The following HEPH variants were observed in gnomAD, a reference collection of about 807,000 sequenced individuals.
HEPH encodes the protein hephaestin.
HEPH carries 69 observed loss-of-function variants against 80.8 expected under a neutral mutation model. The observed-to-expected ratio is 0.85, with a 90% CI of 0.70 to 1.04. HEPH has a LOEUF of 1.04. HEPH is among the 50% of genes least tolerant of loss of function. The pLI is 0.00. For missense variants in HEPH, 1,115 were observed against 891.3 expected, an observed-to-expected ratio of 1.25 and a Z score of -3.20; for synonymous variants, 431 against 322.8, an observed-to-expected ratio of 1.34 and a Z score of -3.60.
At chrX:66,239,450 T>C (rs925705677) in intron 15 of HEPH, among the ~76,000 whole-genome samples, 7 of 112,393 alleles carry the variant, frequency 6.2e-5, no homozygotes, top group Non-Finnish European at 1.1e-4. Context: ...CCTGGCTGTG[T>C]CTGGTCAGCC....
At chrX:66,190,076 T>A (rs891625435) in intron 6 of HEPH, 138 bp downstream of exon 6, 1 of 631,004 alleles carries the variant, frequency 1.6e-6, no homozygotes, top group Admixed American at 4.8e-5. Flanking sequence ...CACACTAGAT[T>A]AGAAGTCAGG....
chrX:66,225,510 C>T (rs1156410324), intron 15 of HEPH, among the ~76,000 whole-genome samples: 6 of 112,714 alleles, frequency 5.3e-5, no homozygotes, highest in African/African-American at 1.9e-4. Context: ...TACAGGCACA[C>T]CATGGGTGAT....
intron 12 of HEPH, among the ~76,000 whole-genome samples, chrX:66,201,082 G>T (rs1317700694): frequency 9.0e-6 from 1 of 111,019 alleles, no homozygotes; most frequent in Non-Finnish European, 1.9e-5. Flanking sequence ...TATAGGTACA[G>T]TACTTTTATT....
chrX:66,261,429 G>T (rs1282213483), intron 19 of HEPH, among the ~76,000 whole-genome samples: 1 of 111,244 alleles, frequency 9.0e-6, no homozygotes, highest in Admixed American at 9.6e-5. Context: ...TAATTAAAGG[G>T]TCAAATGTCT....
intron 15 of HEPH, among the ~76,000 whole-genome samples, chrX:66,220,468 T>C (rs2089597370): frequency 9.0e-6 from 1 of 111,193 alleles, no homozygotes; most frequent in South Asian, 3.9e-4. Flanking sequence ...CTTTAAGGGG[T>C]TACACTGACC....
chrX:66,256,078 C>T (rs1419637605), intron 16 of HEPH, 27 bp from the exon 17 acceptor site: 2 of 1,135,769 alleles, frequency 1.8e-6, no homozygotes, highest in South Asian at 1.9e-5. Context: ...ATCTCTTTCT[C>T]TCTCTCCCAC....
chrX:66,236,754 A>G (rs1469568824), intron 15 of HEPH, among the ~76,000 whole-genome samples: 2 of 110,547 alleles, frequency 1.8e-5, no homozygotes, highest in Non-Finnish European at 3.8e-5. Flanking sequence ...CTCTTTTTTT[A>G]TGGAGGATGT....
chrX:66,264,185 C>T (rs2148248603), intron 20 of HEPH, among the ~76,000 whole-genome samples: 1 of 108,087 alleles, frequency 9.3e-6, no homozygotes, highest in African/African-American at 3.4e-5. Context: ...CCTAAAATCC[C>T]AGACTTTACC....
intron 15 of HEPH, among the ~76,000 whole-genome samples, chrX:66,224,915 C>G (rs1187090568): frequency 9.1e-6 from 1 of 109,437 alleles, no homozygotes; most frequent in Non-Finnish European, 1.9e-5. Flanking sequence ...CTCTTTCTCT[C>G]TCTCTGCCTC....
At chrX:66,173,378 C>G (rs1048036685) in intron 3 of HEPH, among the ~76,000 whole-genome samples, 3 of 111,945 alleles carry the variant, frequency 2.7e-5, no homozygotes, top group Non-Finnish European at 5.6e-5. Context: ...AGCTTTCCAC[C>G]CATTGTTAAT....
At chrX:66,253,840 A>T (rs1005686126) in intron 15 of HEPH, among the ~76,000 whole-genome samples, 1 of 111,847 alleles carries the variant, frequency 8.9e-6, no homozygotes, top group African/African-American at 3.2e-5. Context: ...CAGTCACAAA[A>T]TAAAATGTAT....
At chrX:66,221,957 C>T (rs191466844) in intron 15 of HEPH, among the ~76,000 whole-genome samples, 1 of 112,195 alleles carries the variant, frequency 8.9e-6, no homozygotes, top group East Asian at 2.8e-4. Flanking sequence ...CTTATTTTTC[C>T]TCCCTATGGT....
intron 4 of HEPH, among the ~76,000 whole-genome samples, chrX:66,178,743 C>A (rs2086942716): frequency 1.8e-5 from 2 of 112,100 alleles, no homozygotes; most frequent in Non-Finnish European, 3.8e-5. Context: ...TAAATGTCTT[C>A]TTTTGAGAAG....
chrX:66,201,981 T>C (rs1342825977), intron 12 of HEPH, among the ~76,000 whole-genome samples: 2 of 112,291 alleles, frequency 1.8e-5, no homozygotes, highest in African/African-American at 6.5e-5. Flanking sequence ...GTTTATAAAC[T>C]AGTAGAAGGG....
intron 15 of HEPH, among the ~76,000 whole-genome samples, chrX:66,243,301 A>C (rs189496827): frequency 1.2e-4 from 14 of 112,374 alleles, no homozygotes; most frequent in African/African-American, 4.5e-4. Flanking sequence ...ACGTGTACTC[A>C]AAGTTATGGG....
chrX:66,258,910 C>A lies in HEPH; in HGVS notation c.2967C>A (p.Tyr989Ter). Reference protein sequence around the residue: ...TMYQGERVAWYMLAMGQDVDL... With the variant: ...TMYQGERVAW ...ACCAAGGAGAACGAGTGGCCTGGTACATGCTGGCCATGGGCCAAGATGTGG... is the reference window on the plus strand; with the variant it reads ...ACCAAGGAGAACGAGTGGCCTGGTAAATGCTGGCCATGGGCCAAGATGTGG... The change falls in exon 18 of 21, where the codon TAC (tyrosine) becomes TAA (stop). Residue 989 changes from tyrosine (Y) to a stop codon, truncating the protein, a stop_gained. Coordinates refer to ENST00000343002, the MANE Select transcript of HEPH (RefSeq NM_001367233.3). LOFTEE classifies it high-confidence loss of function. The A allele has an allele frequency of 8.5e-7, 1 of 1,177,692 alleles. No homozygotes were observed. Among genetic ancestry groups the A allele is most frequent in the South Asian group, 1.9e-5 (1 of 51,953 alleles).
intron 15 of HEPH, among the ~76,000 whole-genome samples, chrX:66,215,985 G>T (rs2089370796): frequency 8.9e-6 from 1 of 111,784 alleles, no homozygotes; most frequent in South Asian, 3.7e-4. Context: ...AGCAGAGGCA[G>T]CCATAATCCC....
intron 4 of HEPH, among the ~76,000 whole-genome samples, chrX:66,175,789 G>A (rs1015658834): frequency 9.0e-6 from 1 of 111,031 alleles, no homozygotes; most frequent in Non-Finnish European, 1.9e-5. Context: ...TGTAAAAGGG[G>A]TTGAGTTCTT....
At chrX:66,246,558 G>T (rs929720730) in intron 15 of HEPH, among the ~76,000 whole-genome samples, 1 of 111,027 alleles carries the variant, frequency 9.0e-6, no homozygotes, top group Non-Finnish European at 1.9e-5. Context: ...GCATCCAGGT[G>T]GTCCTCTGCC....
Sources: gnomAD v4.1 joint callset for allele counts (sites outside exome capture counted in the v4.1 genomes callset) on GRCh38, gnomAD v4.1.1 for gene constraint, MANE v1.5 for transcripts, NCBI Gene and HGNC (gene_info 2026-07-23, HGNC 2026-07-21) for gene names.